KCNH1: variants seen among roughly 807,000 people sequenced by gnomAD.
KCNH1 encodes the protein voltage-gated delayed rectifier potassium channel KCNH1.
In KCNH1, 27 loss-of-function variants were observed where a neutral mutation model predicts 69.2. That is an observed-to-expected ratio of 0.39 (90% CI 0.29 to 0.54). KCNH1 has a LOEUF of 0.54. KCNH1 is among the 20% of genes least tolerant of loss of function. The probability of loss-of-function intolerance (pLI) is 0.68; values close to 1 mark genes in which losing one functional copy is unlikely to be tolerated. For missense variants in KCNH1, 798 were observed against 1,261.6 expected (o/e 0.63, Z 5.57); for synonymous variants, 456 against 487.7 (o/e 0.93, Z 0.86).
intron 10 of KCNH1, among the ~76,000 whole-genome samples, chr1:210,715,062 C>T (rs924582009): frequency 6.6e-6 from 1 of 152,180 alleles, no homozygotes; most frequent in Non-Finnish European, 1.5e-5. Flanking sequence ...AGCTTCAGAT[C>T]AAGTCCACAG....
At chr1:211,034,864 A>C (rs1054129261) in intron 5 of KCNH1, among the ~76,000 whole-genome samples, 1 of 152,192 alleles carries the variant, frequency 6.6e-6, no homozygotes. Flanking sequence ...GCAAACCAGT[A>C]ATCTAGAGCT....
intron 6 of KCNH1, among the ~76,000 whole-genome samples, chr1:210,976,528 T>G (rs1432971839): frequency 1.4e-5 from 2 of 143,892 alleles, no homozygotes; most frequent in African/African-American, 5.1e-5. Context: ...GTTCAACCAT[T>G]GCGGAAGTCA....
At chr1:211,009,298 G>A (rs1384231317) in intron 6 of KCNH1, among the ~76,000 whole-genome samples, 1 of 152,202 alleles carries the variant, frequency 6.6e-6, no homozygotes, top group Non-Finnish European at 1.5e-5. Flanking sequence ...TTGAAAACCT[G>A]ATCAGAATAA....
intron 7 of KCNH1, among the ~76,000 whole-genome samples, chr1:210,807,848 C>CA (rs1393471688): frequency 2.0e-5 from 3 of 151,448 alleles, no homozygotes; most frequent in South Asian, 2.1e-4. Context: ...CTATGGGAGG[C>CA]AAAAAAATAA....
chr1:210,968,622 T>C (rs969100750), intron 6 of KCNH1, among the ~76,000 whole-genome samples: 5 of 151,776 alleles, frequency 3.3e-5, no homozygotes, highest in African/African-American at 1.2e-4. Flanking sequence ...TGGCCAGTGA[T>C]GATGAGCATT....
chr1:211,078,959 A>G (rs1690793988), intron 5 of KCNH1, among the ~76,000 whole-genome samples: 3 of 151,644 alleles, frequency 2.0e-5, no homozygotes, highest in African/African-American at 4.8e-5. Context: ...AGAAATAACT[A>G]AGATGAGAGC....
chr1:211,020,479 T>C (rs1689568779), intron 5 of KCNH1, among the ~76,000 whole-genome samples: 1 of 135,112 alleles, frequency 7.4e-6, no homozygotes, highest in African/African-American at 2.8e-5. Context: ...ATAAGATTAA[T>C]TGAATCAGTA....
chr1:210,718,184 T>A (rs931978670), intron 10 of KCNH1, among the ~76,000 whole-genome samples: 1 of 144,706 alleles, frequency 6.9e-6, no homozygotes, highest in Non-Finnish European at 1.5e-5. Flanking sequence ...ACATAATATG[T>A]CCAAAATATA....
At chr1:211,033,250 A>T in intron 5 of KCNH1, among the ~76,000 whole-genome samples, 1 of 152,264 alleles carries the variant, frequency 6.6e-6, no homozygotes, top group Non-Finnish European at 1.5e-5. Context: ...ATCATTAAAA[A>T]GTCAGGAAAC....
chr1:210,835,740 T>TAGGTATCTAA (rs1685266815), intron 7 of KCNH1, among the ~76,000 whole-genome samples: 1 of 152,140 alleles, frequency 6.6e-6, no homozygotes, highest in Non-Finnish European at 1.5e-5. Flanking sequence ...ATTCCTAATT[T>TAGGTATCTAA]ATTTAGAGGT....
chr1:210,816,080 G>A lies in KCNH1; in HGVS notation c.1463-11914C>T, dbSNP rs561749144. On this transcript the variant is annotated intron_variant, in intron 7 of 10. Coordinates refer to ENST00000271751, the MANE Select transcript of KCNH1 (RefSeq NM_172362.3). The stretch of plus-strand genomic sequence containing the variant: ...GCGGCGAGCGATTAACCTGCATTTC[G>A]GTTACACCAGCACTATCCCCTCATT... Among the ~76,000 whole-genome samples the A allele has an allele frequency of 3.9e-5, 6 of 152,200 alleles. No homozygotes were observed. The South Asian group carries it at 6.2e-4, about 16-fold the overall frequency.
chr1:210,700,970 C>T (rs1364822707), intron 10 of KCNH1, among the ~76,000 whole-genome samples: 1 of 151,954 alleles, frequency 6.6e-6, no homozygotes, highest in Admixed American at 6.6e-5. Context: ...TGGAGTTTCG[C>T]TCTGTCGCCC....
Position 210,913,488 on chromosome 1 carries a change from A to T in KCNH1, c.1462+6152T>A, listed in dbSNP as rs1687276340. On this transcript the variant is annotated intron_variant, in intron 7 of 10. Coordinates refer to ENST00000271751, the MANE Select transcript of KCNH1 (RefSeq NM_172362.3). ...TTTCAAATTTTTCCAAAAAGTTGTT[A>T]TACATCATTATCTCATTTAGTTTTC... Among the ~76,000 whole-genome samples, 3 of 152,200 alleles carry T rather than the reference A, an allele frequency of 2.0e-5. No individual in the cohort carries two copies. The South Asian group carries it at 6.2e-4, about 31-fold the overall frequency.
intron 7 of KCNH1, among the ~76,000 whole-genome samples, chr1:210,912,395 C>T (rs534355145): frequency 6.6e-6 from 1 of 151,774 alleles, no homozygotes; most frequent in Non-Finnish European, 1.5e-5. Context: ...GTCAGGCCAA[C>T]TTTTTTTTTC....
chr1:211,022,182 A>G (rs1689597778), intron 5 of KCNH1, among the ~76,000 whole-genome samples: 1 of 152,138 alleles, frequency 6.6e-6, no homozygotes, highest in African/African-American at 2.4e-5. Flanking sequence ...TGTATCTACA[A>G]TGAACTCATT....
intron 6 of KCNH1, among the ~76,000 whole-genome samples, chr1:210,921,257 C>T (rs1687453722): frequency 6.6e-6 from 1 of 152,196 alleles, no homozygotes; most frequent in African/African-American, 2.4e-5. Context: ...AGGGAAGTTT[C>T]CGTTAGCTTT....
In KCNH1 at chr1:210,860,909, G is replaced by A. The variant is rs147910463; in HGVS notation, c.1463-56743C>T. 75 of 945,508 alleles carry A rather than the reference G, an allele frequency of 7.9e-5. No homozygotes were observed. In the African/African-American group the frequency reaches 9.8e-4, roughly 12 times the overall value. 58.6% of individuals were successfully genotyped at this position (945,508 alleles called of 1,614,324 possible). ...CTGAAGAGAGAGAACACATGATTCT[G>A]CAACATGTATTCCATCTGATCATTA... On this transcript the variant is annotated intron_variant, in intron 7 of 10. Transcript: ENST00000271751.
chr1:210,807,267 C>T (rs1684604119), intron 7 of KCNH1, among the ~76,000 whole-genome samples: 1 of 152,076 alleles, frequency 6.6e-6, no homozygotes, highest in African/African-American at 2.4e-5. Context: ...CTTCCCTCAG[C>T]AATCACAACC....
chr1:210,954,761 T>C (rs1688135453), intron 6 of KCNH1, among the ~76,000 whole-genome samples: 1 of 152,220 alleles, frequency 6.6e-6, no homozygotes, highest in Non-Finnish European at 1.5e-5. Context: ...TGTTTTTTTC[T>C]TGTAACTTTG....
Sources: gnomAD v4.1 joint callset for allele counts (sites outside exome capture counted in the v4.1 genomes callset) on GRCh38, gnomAD v4.1.1 for gene constraint, MANE v1.5 for transcripts, NCBI Gene and HGNC (gene_info 2026-07-23, HGNC 2026-07-21) for gene names.